EXOC4: variants seen among roughly 807,000 people sequenced by gnomAD.
EXOC4 encodes the protein exocyst complex component 4.
EXOC4 carries 71 observed loss-of-function variants against 107.2 expected under a neutral mutation model. The observed-to-expected ratio is 0.66, with a 90% CI of 0.55 to 0.81. EXOC4 has a LOEUF of 0.81. EXOC4 is among the 30% of genes least tolerant of loss of function. The probability of loss-of-function intolerance (pLI) is 0.00; values close to 1 mark genes in which losing one functional copy is unlikely to be tolerated. For synonymous variants in EXOC4, 456 were observed against 441.2 expected, an observed-to-expected ratio of 1.03 and a Z score of -0.42; for missense variants, 1,108 against 1,189.6, an observed-to-expected ratio of 0.93 and a Z score of 1.01.
intron 14 of EXOC4, among the ~76,000 whole-genome samples, chr7:133,950,227 C>A (rs1444568661): frequency 6.6e-6 from 1 of 152,132 alleles, no homozygotes; most frequent in Non-Finnish European, 1.5e-5. Flanking sequence ...TATAGACTGT[C>A]TTTATATGAG....
intron 17 of EXOC4, among the ~76,000 whole-genome samples, chr7:134,021,722 G>GAAAAAAAAAAAAAAAAAAAAA (rs60762484): frequency 1.9e-5 from 1 of 53,742 alleles, no homozygotes; most frequent in Non-Finnish European, 3.5e-5. Flanking sequence ...AGTCAAACCA[G>GAAAAAAAAAAAAAAAAAAAAA]AAAAAAAAAA....
intron 5 of EXOC4, among the ~76,000 whole-genome samples, chr7:133,346,631 A>G (rs191537993): frequency 1.4e-4 from 22 of 152,264 alleles, no homozygotes; most frequent in Admixed American, 1.1e-3. Flanking sequence ...GCTTCTAGAT[A>G]AGTAACTTGT....
chr7:133,393,257 C>A (rs1443729401), intron 7 of EXOC4, among the ~76,000 whole-genome samples: 2 of 152,220 alleles, frequency 1.3e-5, no homozygotes, highest in East Asian at 3.9e-4. Flanking sequence ...CCACATCTTT[C>A]CTTTTTAATC....
intron 8 of EXOC4, chr7:133,479,006 G>T (rs1207924193): frequency 6.6e-6 from 1 of 152,176 alleles, no homozygotes; most frequent in Non-Finnish European, 1.5e-5. Flanking sequence ...CCTTGTCAAG[G>T]AAAGGATAAA....
intron 10 of EXOC4, among the ~76,000 whole-genome samples, chr7:133,802,252 T>C (rs1411268469): frequency 6.6e-6 from 1 of 152,202 alleles, no homozygotes; most frequent in African/African-American, 2.4e-5. Context: ...TTTCCTCACA[T>C]GTAAAATGGA....
intron 11 of EXOC4, among the ~76,000 whole-genome samples, chr7:133,840,394 T>A (rs1054607428): frequency 2.6e-5 from 4 of 152,164 alleles, no homozygotes; most frequent in Non-Finnish European, 4.4e-5. Context: ...ACAACAAAAA[T>A]CTATTACAAA....
In EXOC4 at chr7:134,007,799, T is replaced by A. The variant is rs777191746; in HGVS notation, c.2651T>A (p.Ile884Asn). Residue 884 changes from isoleucine (I) to asparagine (N), a missense_variant, in exon 17 of 18, where the codon ATC becomes AAC. By Grantham distance (149) the Ile-to-Asn change is moderately radical. Transcript: ENST00000253861. ...IFVLQQNLTN[I>N]TMSREADLDF... ...GTTCTTCAGCAGAATTTGACCAACA[T>A]CACCATGTCGCGGGAGGCAGACCTG... 1 of 1,613,536 alleles carries A rather than the reference T, an allele frequency of 6.2e-7. No homozygotes were observed. The highest frequency in any genetic ancestry group is 1.7e-5 in the Admixed American group (1 of 59,938).
At chr7:133,665,963 C>G (rs1793803591) in intron 10 of EXOC4, among the ~76,000 whole-genome samples, 1 of 152,138 alleles carries the variant, frequency 6.6e-6, no homozygotes, top group African/African-American at 2.4e-5. Context: ...TTTATACATT[C>G]TAGGAATCCA....
At chr7:133,767,304 A>T (rs1175910757) in intron 10 of EXOC4, among the ~76,000 whole-genome samples, 1 of 151,958 alleles carries the variant, frequency 6.6e-6, no homozygotes, top group Non-Finnish European at 1.5e-5. Context: ...TAATTTTCTG[A>T]GCCTCAGAGT....
chr7:133,684,611 A>G (rs953039220), intron 10 of EXOC4, among the ~76,000 whole-genome samples: 3 of 152,226 alleles, frequency 2.0e-5, no homozygotes, highest in Admixed American at 1.3e-4. Context: ...GAGTGCTAAA[A>G]TATGTGGTAA....
At chr7:133,307,053 C>T (rs1794768599) in intron 4 of EXOC4, among the ~76,000 whole-genome samples, 1 of 152,202 alleles carries the variant, frequency 6.6e-6, no homozygotes, top group South Asian at 2.1e-4. Context: ...TCAGCACTAT[C>T]TACTGAAATA....
At chr7:133,429,890 C>G (rs1209152059) in intron 7 of EXOC4, among the ~76,000 whole-genome samples, 2 of 152,206 alleles carry the variant, frequency 1.3e-5, no homozygotes, top group African/African-American at 4.8e-5. Flanking sequence ...TGAGCTCACA[C>G]CTCTTGTGGA....
chr7:133,579,998 A>G (rs543094076), intron 9 of EXOC4, among the ~76,000 whole-genome samples: 17 of 152,266 alleles, frequency 1.1e-4, no homozygotes, highest in Admixed American at 1.0e-3. Flanking sequence ...CCCGGCCCAC[A>G]ATATTACTTT....
chr7:133,914,406 G>A (rs1019261437), intron 12 of EXOC4, among the ~76,000 whole-genome samples: 7 of 152,192 alleles, frequency 4.6e-5, no homozygotes, highest in African/African-American at 1.4e-4. Flanking sequence ...CAGGGAGGGA[G>A]CTTTATCTGT....
intron 9 of EXOC4, among the ~76,000 whole-genome samples, chr7:133,482,680 T>G (rs1444158625): frequency 6.6e-6 from 1 of 152,124 alleles, no homozygotes; most frequent in South Asian, 2.1e-4. Context: ...TTTCTCTAAA[T>G]GGGAATAAAA....
chr7:133,395,109 C>CT (rs200545904), intron 7 of EXOC4, among the ~76,000 whole-genome samples: 1,439 of 130,854 alleles, frequency 0.011, 13 homozygotes, highest in African/African-American at 0.027. Context: ...ATACTTTTGC[C>CT]TTTTTTTTTT....
intron 7 of EXOC4, among the ~76,000 whole-genome samples, chr7:133,436,218 G>T (rs538310927): frequency 6.6e-6 from 1 of 152,120 alleles, no homozygotes; most frequent in Non-Finnish European, 1.5e-5. Flanking sequence ...GGCCTTCCTT[G>T]TACTGCCTTC....
intron 5 of EXOC4, among the ~76,000 whole-genome samples, chr7:133,322,280 A>G (rs1795131164): frequency 6.6e-6 from 1 of 151,538 alleles, no homozygotes; most frequent in African/African-American, 2.4e-5. Context: ...TGTTTTAGAC[A>G]AAGTCTTTGC....
At chr7:133,659,431 A>G (rs1354296968) in intron 10 of EXOC4, among the ~76,000 whole-genome samples, 1 of 152,150 alleles carries the variant, frequency 6.6e-6, no homozygotes, top group Non-Finnish European at 1.5e-5. Flanking sequence ...GCCTTGTCCC[A>G]TGCCTGCGTT....
Sources: gnomAD v4.1 joint callset for allele counts (sites outside exome capture counted in the v4.1 genomes callset) on GRCh38, gnomAD v4.1.1 for gene constraint, MANE v1.5 for transcripts, NCBI Gene and HGNC (gene_info 2026-07-23, HGNC 2026-07-21) for gene names.